Variants in ATP6V0A2 observed in about 807,000 individuals in gnomAD.
ATP6V0A2 encodes the protein V-type proton ATPase 116 kDa subunit a 2.
ATP6V0A2 carries 58 observed loss-of-function variants against 104.4 expected under a neutral mutation model. The ratio of observed to expected loss-of-function variants is 0.56; its 90% CI spans 0.45 to 0.69. The LOEUF (loss-of-function observed/expected upper bound fraction) is 0.69, where lower values mean the gene tolerates loss of function less well. Ranked by LOEUF, ATP6V0A2 falls within the 30% of genes least tolerant of loss-of-function variation. ATP6V0A2 has a pLI of 0.00. For missense variants in ATP6V0A2, 938 were observed against 1,062.9 expected, an observed-to-expected ratio of 0.88 and a Z score of 1.63; for synonymous variants, 376 against 397.9, an observed-to-expected ratio of 0.95 and a Z score of 0.65.
intron 18 of ATP6V0A2, 26 bp from the exon 19 acceptor site, chr12:123,756,789 C>G: frequency 6.2e-7 from 1 of 1,612,852 alleles, no homozygotes; most frequent in Non-Finnish European, 8.5e-7. Flanking sequence ...GCGAGCATGA[C>G]CTGTGCAGGC....
At chr12:123,733,777 G>T (rs747834125) in intron 6 of ATP6V0A2, 149 bp from the exon 7 acceptor site, 3 of 683,464 alleles carry the variant, frequency 4.4e-6, no homozygotes, top group Non-Finnish European at 7.9e-6. Context: ...CTACAAGTAG[G>T]TGAATTCGTA....
chr12:123,756,725 C>A, intron 18 of ATP6V0A2, 90 bp from the exon 19 acceptor site: 1 of 1,368,908 alleles, frequency 7.3e-7, no homozygotes, highest in Non-Finnish European at 1.0e-6. Flanking sequence ...TAGTTCAGGG[C>A]CGTCAGGGGG....
At chr12:123,726,509 G>A (rs1956450398) in intron 5 of ATP6V0A2, among the ~76,000 whole-genome samples, 1 of 152,164 alleles carries the variant, frequency 6.6e-6, no homozygotes, top group Non-Finnish European at 1.5e-5. Context: ...TTGGTATAAT[G>A]AGCTAGAAAG....
At position 123,748,722 on chromosome 12, in the gene ATP6V0A2, G is replaced by A. The variant is rs73420342; in HGVS notation, c.1872G>A (p.Leu624=). The A allele has an allele frequency of 1.2e-3, 1,922 of 1,614,156 alleles. 22 individuals carry two copies. In the African/African-American group the frequency reaches 0.021, roughly 18 times the overall value. The change falls in exon 15 of 20, where the codon CTG becomes CTA. Residue 624 remains leucine, a synonymous_variant. Coordinates refer to ENST00000330342, the MANE Select transcript of ATP6V0A2 (RefSeq NM_012463.4). ...CCTCCAGAGTTGCTCCCAGCATTCT[G>A]ATTGAATTTATTAACATGTTTTTAT... ...AETSRVAPSI[L]IEFINMFLFP... is the part of the protein sequence containing the mutation.
chr12:123,744,740 C>T lies in ATP6V0A2; in HGVS notation c.1470C>T (p.Ser490=). 6.2e-7 allele frequency: 1 copy of T among 1,614,166 alleles called. No homozygotes were observed. The highest frequency in any genetic ancestry group is 1.7e-5 in the Admixed American group (1 of 60,028). The change falls in exon 12 of 20, where the codon AGC becomes AGT. Residue 490 remains serine, a synonymous_variant. Coordinates refer to ENST00000330342, the MANE Select transcript of ATP6V0A2 (RefSeq NM_012463.4). The surrounding 1 kb of genome is among the most constrained non-coding windows in gnomAD (Gnocchi z 5.4). The stretch of plus-strand genomic sequence containing the variant: ...GGTGGAACGTGTCGGCCATGTACAG[C>T]TCCAGCCACCCACCCGCAGAGCATA... The part of the protein sequence containing the change: ...GSGWNVSAMY[S]SSHPPAEHKK...
In ATP6V0A2 at chr12:123,744,899, A is replaced by G; in HGVS notation, c.1532A>G (p.His511Arg). The G allele has an allele frequency of 6.2e-7, 1 of 1,614,178 alleles. No individual in the cohort carries two copies. The highest frequency in any genetic ancestry group is 8.5e-7 in the Non-Finnish European group (1 of 1,180,026). Residue 511 changes from histidine (H) to arginine (R), a missense_variant, in exon 13 of 20, where the codon CAC becomes CGC. By Grantham distance (29) the His-to-Arg change is conservative. Transcript: ENST00000330342. The surrounding 1 kb of genome is among the most constrained non-coding windows in gnomAD (Gnocchi z 5.4). ...MVLWNDSVVR[H>R]NSILQLDPSI... is the part of the protein sequence containing the mutation. ...TGTTACAGTGACAGCGTCGTTAGACACAACAGCATTTTGCAGCTGGATCCA... is the reference window on the plus strand; with the variant it reads ...TGTTACAGTGACAGCGTCGTTAGACGCAACAGCATTTTGCAGCTGGATCCA...
At chr12:123,726,475 T>C (rs571860801) in intron 5 of ATP6V0A2, among the ~76,000 whole-genome samples, 190 bp downstream of exon 5, 11 of 152,378 alleles carry the variant, frequency 7.2e-5, no homozygotes, top group Admixed American at 6.5e-5. Context: ...TTGACTTTTT[T>C]ACTCAACACA....
In ATP6V0A2 at chr12:123,747,733, C is replaced by T. The variant is rs376419685; in HGVS notation, c.1724+8C>T. 23 of 1,544,498 alleles carry T rather than the reference C, an allele frequency of 1.5e-5. No individual in the cohort carries two copies. Among genetic ancestry groups the T allele is most frequent in the Non-Finnish European group, 2.0e-5 (22 of 1,117,424 alleles). On this transcript the variant is annotated splice_region_variant and intron_variant, in intron 14 of 19. Transcript: ENST00000330342. Reference sequence around the variant, plus strand: ...GGGAATATTTAACCACTTGTAAGTACAGATTTTTTTTTAAGCAATATTTAT... The same window carrying T: ...GGGAATATTTAACCACTTGTAAGTATAGATTTTTTTTTAAGCAATATTTAT...
At chr12:123,730,017 A>T (rs1417342446) in intron 6 of ATP6V0A2, among the ~76,000 whole-genome samples, 1 of 135,428 alleles carries the variant, frequency 7.4e-6, no homozygotes, top group Non-Finnish European at 1.6e-5. Context: ...GGGTTTCACC[A>T]TATTGAAACA....
intron 9 of ATP6V0A2, among the ~76,000 whole-genome samples, chr12:123,740,143 C>CAAA (rs1027185368): frequency 1.0e-5 from 1 of 97,472 alleles, no homozygotes; most frequent in African/African-American, 3.5e-5. Flanking sequence ...GACCTTGTCT[C>CAAA]AAAAACAAAC....
At chr12:123,756,071 ACTCTGT>A (rs1421884560) in intron 18 of ATP6V0A2, among the ~76,000 whole-genome samples, 1 of 137,358 alleles carries the variant, frequency 7.3e-6, no homozygotes, top group Admixed American at 7.5e-5. Context: ...ACAGAGCGAG[ACTCTGT>A]CTCAAAAAAA....
intron 3 of ATP6V0A2, chr12:123,723,512 A>G (rs7302708): frequency 0.66 from 99,729 of 150,014 alleles, 33,449 homozygotes; most frequent in East Asian, 0.95. Context: ...GCTAGAGTGC[A>G]TGTAGTGGTG....
chr12:123,747,186 A>G (rs1426659889), intron 13 of ATP6V0A2, among the ~76,000 whole-genome samples: 1 of 152,190 alleles, frequency 6.6e-6, no homozygotes, highest in African/African-American at 2.4e-5. Context: ...AAATAGACAT[A>G]CAGGAGCATG....
At chr12:123,752,680 C>T (rs149376406) in intron 17 of ATP6V0A2, among the ~76,000 whole-genome samples, 19 of 152,274 alleles carry the variant, frequency 1.2e-4, no homozygotes, top group Admixed American at 1.3e-4. Flanking sequence ...GTGCCATGAA[C>T]ATTGCTTTCA....
chr12:123,726,140 G>C (rs1956446529), intron 4 of ATP6V0A2, 57 bp from the exon 5 acceptor site: 1 of 1,369,334 alleles, frequency 7.3e-7, no homozygotes, highest in Admixed American at 1.7e-5. Context: ...AATTTGACAT[G>C]AGAAATAAAG....
At position 123,744,994 on chromosome 12, in the gene ATP6V0A2, G is replaced by C. The variant is rs201752143; in HGVS notation, c.1605+22G>C. ...TCCTGTGAGTGCACCACGCTCTGTC[G>C]TTGTCTCTGGATGCTCTGTGGTGCC... On this transcript the variant is annotated intron_variant, in intron 13 of 19. Transcript: ENST00000330342. This position sits in a 1 kb window ranked among gnomAD's most constrained non-coding sequence, Gnocchi z 5.4. The C allele has an allele frequency of 2.5e-6, 4 of 1,609,242 alleles. No individual in the cohort carries two copies. Among genetic ancestry groups the C allele is most frequent in the Non-Finnish European group, 3.4e-6 (4 of 1,175,626 alleles).
rs113438472 is a variant in ATP6V0A2, at chr12:123,743,482, C to T, written c.1039-303C>T. Among the ~76,000 whole-genome samples the T allele has an allele frequency of 3.5e-3, 536 of 152,152 alleles. 3 individuals are homozygous for T. The highest frequency in any genetic ancestry group is 0.012 in the African/African-American group (505 of 41,490). On this transcript the variant is annotated intron_variant, in intron 9 of 19. Coordinates refer to ENST00000330342, the MANE Select transcript of ATP6V0A2 (RefSeq NM_012463.4). ...CAGCCTGACCTACATGGAGAAACCC[C>T]GTCTCTACTAAAAATACAAAATTAG...
At chr12:123,729,916 G>A (rs1397616902) in intron 6 of ATP6V0A2, among the ~76,000 whole-genome samples, 7 of 152,054 alleles carry the variant, frequency 4.6e-5, no homozygotes, top group Admixed American at 3.9e-4. Flanking sequence ...CAGGGTTCAA[G>A]CAATTCTCCT....
In ATP6V0A2 at chr12:123,748,582, A is replaced by C; in HGVS notation, c.1732A>C (p.Arg578=). Residue 578 remains arginine, a synonymous_variant, in exon 15 of 20, where the codon AGG becomes CGG. Transcript: ENST00000330342. ...ILGIFNHLHF[R]KKFNIYLVSI... ...ATTCCTTTTCTTTCCTAGGCACTTC[A>C]GGAAGAAGTTCAACATTTACCTGGT... 1 of 1,612,350 alleles carries C rather than the reference A, an allele frequency of 6.2e-7. No homozygotes were observed. The highest frequency in any genetic ancestry group is 8.5e-7 in the Non-Finnish European group (1 of 1,178,356).
Sources: allele counts gnomAD v4.1 joint callset (sites outside exome capture counted in the v4.1 genomes callset), GRCh38; gene constraint gnomAD v4.1.1; non-coding constraint Gnocchi (gnomAD v3.1); transcripts MANE v1.5; gene names NCBI Gene and HGNC (gene_info 2026-07-23, HGNC 2026-07-21).